Variants in TENM3 observed in about 807,000 individuals in gnomAD.
The protein encoded by TENM3 is teneurin-3.
A neutral mutation model predicts 255.1 loss-of-function variants in TENM3; 63 were observed. The ratio of observed to expected loss-of-function variants is 0.25; its 90% confidence interval spans 0.20 to 0.30. The LOEUF is 0.30. Among genes scored for constraint, TENM3 ranks in the 10% least tolerant of loss-of-function variants. The pLI, the probability that TENM3 is intolerant of heterozygous loss-of-function variation, is 1.00. For synonymous variants in TENM3, 1,306 were observed against 1,322.3 expected (o/e 0.99, Z 0.27); for missense variants, 2,929 against 3,461.1 (o/e 0.85, Z 3.86).
At chr4:182,515,256 A>G (rs534488402) in intron 3 of TENM3, among the ~76,000 whole-genome samples, 2 of 152,216 alleles carry the variant, frequency 1.3e-5, no homozygotes, top group Non-Finnish European at 2.9e-5. Context: ...TGTGGGTGAC[A>G]GTCACTAAGT....
At chr4:182,074,520 T>G in the TENM3 span, among the ~76,000 whole-genome samples, 1 of 152,324 alleles carries the variant, frequency 6.6e-6, no homozygotes, top group East Asian at 1.9e-4. Context: ...AAAACTTTCT[T>G]GGGAGAAAGA....
chr4:182,567,253 C>T (rs1333100855), intron 3 of TENM3, among the ~76,000 whole-genome samples: 1 of 152,148 alleles, frequency 6.6e-6, no homozygotes, highest in Non-Finnish European at 1.5e-5. Context: ...ATTTCCTGTC[C>T]TCTTTATTGC....
At chr4:182,768,240 A>G (rs1288911384) in intron 22 of TENM3, among the ~76,000 whole-genome samples, 1 of 152,170 alleles carries the variant, frequency 6.6e-6, no homozygotes, top group Non-Finnish European at 1.5e-5. Context: ...TAAAAACATA[A>G]CCTTTGGTTA....
chr4:181,841,795 C>A, the TENM3 span, among the ~76,000 whole-genome samples: 2 of 152,066 alleles, frequency 1.3e-5, no homozygotes, highest in Non-Finnish European at 2.9e-5. Flanking sequence ...AAAATTACAT[C>A]AATGTATCAA....
At chr4:181,589,843 G>GT in the TENM3 span, among the ~76,000 whole-genome samples, 1 of 152,214 alleles carries the variant, frequency 6.6e-6, no homozygotes, top group Non-Finnish European at 1.5e-5. Context: ...TCAACTTCCT[G>GT]TTTCTGATGA....
chr4:181,947,824 C>T, the TENM3 span, among the ~76,000 whole-genome samples: 2 of 152,036 alleles, frequency 1.3e-5, no homozygotes, highest in African/African-American at 2.4e-5. Flanking sequence ...TGAATCTGTT[C>T]GGATTAAGGG....
At chr4:181,953,771 A>C in the TENM3 span, among the ~76,000 whole-genome samples, 1 of 152,186 alleles carries the variant, frequency 6.6e-6, no homozygotes, top group East Asian at 1.9e-4. Flanking sequence ...GTATTTTTTT[A>C]ATGTTTTATT....
the TENM3 span, among the ~76,000 whole-genome samples, chr4:181,466,139 C>T: frequency 2.1e-4 from 25 of 119,042 alleles, no homozygotes; most frequent in Non-Finnish European, 3.5e-4. Flanking sequence ...TTTTTTGAGA[C>T]GGAGTTTCTC....
chr4:181,804,938 C>G, the TENM3 span, among the ~76,000 whole-genome samples: 7 of 152,210 alleles, frequency 4.6e-5, no homozygotes, highest in African/African-American at 1.7e-4. Flanking sequence ...TCCCCAATTC[C>G]CTGCCTCACT....
intron 1 of TENM3, among the ~76,000 whole-genome samples, chr4:182,192,453 A>G (rs774293282): frequency 5.9e-5 from 9 of 152,188 alleles, no homozygotes; most frequent in Non-Finnish European, 1.0e-4. Flanking sequence ...TATTCGCTGG[A>G]AGTCAGGTTT....
chr4:181,865,792 C>G, the TENM3 span, among the ~76,000 whole-genome samples: 1 of 152,158 alleles, frequency 6.6e-6, no homozygotes, highest in African/African-American at 2.4e-5. Flanking sequence ...ACTCTTCTTC[C>G]GTTTGCATTA....
chr4:181,846,556 G>T, the TENM3 span, among the ~76,000 whole-genome samples: 2 of 152,180 alleles, frequency 1.3e-5, no homozygotes, highest in Admixed American at 6.5e-5. Flanking sequence ...ATTATTTGAA[G>T]ATTATTAAGA....
chr4:181,622,951 T>C, the TENM3 span, among the ~76,000 whole-genome samples: 1 of 152,194 alleles, frequency 6.6e-6, no homozygotes, highest in Non-Finnish European at 1.5e-5. Context: ...AACAATGCCA[T>C]GCGTTACCCT....
rs560983118 is a variant in TENM3, at chr4:182,420,488, C to T, written c.511+73559C>T. Among the ~76,000 whole-genome samples the T allele has an allele frequency of 7.2e-5, 11 of 152,310 alleles. No individual in the cohort carries two copies. The South Asian group carries it at 1.0e-3, about 14-fold the overall frequency. On this transcript the variant is annotated intron_variant, in intron 3 of 27. Coordinates refer to ENST00000511685, the MANE Select transcript of TENM3 (RefSeq NM_001080477.4). ...CATAATTTGAGAGGCATGGCCTCCACGACTCTTCTGTGAAATGACAAGTTT... is the reference window on the plus strand; with the variant it reads ...CATAATTTGAGAGGCATGGCCTCCATGACTCTTCTGTGAAATGACAAGTTT...
the TENM3 span, among the ~76,000 whole-genome samples, chr4:181,934,215 C>T: frequency 3.9e-5 from 6 of 152,128 alleles, no homozygotes; most frequent in Admixed American, 3.9e-4. Flanking sequence ...GATTAGGACT[C>T]ACATTGCTAT....
the TENM3 span, among the ~76,000 whole-genome samples, chr4:181,883,403 C>G: frequency 6.6e-6 from 1 of 152,090 alleles, no homozygotes; most frequent in Non-Finnish European, 1.5e-5. Flanking sequence ...TGTCACTGAT[C>G]CAGGTATTTT....
intron 3 of TENM3, among the ~76,000 whole-genome samples, chr4:182,560,684 C>T (rs1318259128): frequency 6.6e-6 from 1 of 152,190 alleles, no homozygotes; most frequent in Non-Finnish European, 1.5e-5. Context: ...CATGCTGCTT[C>T]TCCAGTTCCC....
chr4:182,134,774 G>C, the TENM3 span, among the ~76,000 whole-genome samples: 8 of 152,256 alleles, frequency 5.3e-5, no homozygotes, highest in Non-Finnish European at 8.8e-5. Flanking sequence ...CTAAAAATCA[G>C]ATCACATGGC....
At chr4:182,465,213 G>C (rs1261197987) in intron 3 of TENM3, among the ~76,000 whole-genome samples, 1 of 152,164 alleles carries the variant, frequency 6.6e-6, no homozygotes, top group African/African-American at 2.4e-5. Flanking sequence ...AAATTACTAA[G>C]ATCAAACATT....
Sources: allele counts gnomAD v4.1 joint callset (sites outside exome capture counted in the v4.1 genomes callset), GRCh38; gene constraint gnomAD v4.1.1; transcripts MANE v1.5; gene names NCBI Gene and HGNC (gene_info 2026-07-23, HGNC 2026-07-21).